The following CPAMD8 variants were observed in gnomAD, a reference collection of about 807,000 sequenced individuals.
The protein encoded by CPAMD8 is C3 and PZP-like alpha-2-macroglobulin domain-containing protein 8.
A neutral mutation model predicts 224.7 loss-of-function variants in CPAMD8; 146 were observed. The observed-to-expected ratio is 0.65, with a 90% CI of 0.57 to 0.75. The LOEUF is 0.75. Ranked by LOEUF, CPAMD8 falls within the 30% of genes least tolerant of loss-of-function variation. The pLI is 0.00. For missense variants in CPAMD8, 2,301 were observed against 2,537.5 expected (o/e 0.91, Z 2.00); for synonymous variants, 966 against 1,044.6 (o/e 0.92, Z 1.45).
Position 16,898,871 on chromosome 19 carries a change from C to T in CPAMD8, c.4848+604G>A, listed in dbSNP as rs2052140017. ...TCAGCCGAGGGCACAGAGCTGTCAG[C>T]ATGGCCAACTCTGCCTGGAATTTAT... is the stretch of plus-strand genomic sequence containing the variant. On this transcript the variant is annotated intron_variant, in intron 37 of 41. Coordinates refer to ENST00000443236, the MANE Select transcript of CPAMD8 (RefSeq NM_015692.5). The surrounding 1 kb of genome is among the most constrained non-coding windows in gnomAD (Gnocchi z 4.2). Among the ~76,000 whole-genome samples, 1 of 152,158 alleles carries T rather than the reference C, an allele frequency of 6.6e-6. No individual in the cohort carries two copies. The highest frequency in any genetic ancestry group is 2.4e-5 in the African/African-American group (1 of 41,430).
intron 3 of CPAMD8, among the ~76,000 whole-genome samples, chr19:17,016,886 G>A (rs1029312418): frequency 5.3e-5 from 8 of 151,668 alleles, no homozygotes; most frequent in East Asian, 1.9e-4. Flanking sequence ...GAGTTCTAGG[G>A]TCTTTTTTTT....
intron 28 of CPAMD8, 44 bp downstream of exon 28, chr19:16,914,613 G>C (rs754866956): frequency 1.9e-5 from 30 of 1,613,316 alleles, no homozygotes; most frequent in African/African-American, 2.7e-5. Flanking sequence ...GGGGCTCTGG[G>C]AGGAGGTGAG....
Position 17,020,346 on chromosome 19 carries a change from C to T in CPAMD8, c.252G>A (p.Gly84=), listed in dbSNP as rs1304737285. 4.4e-6 allele frequency: 7 copies of T among 1,585,426 alleles called. No homozygotes were observed. The highest frequency in any genetic ancestry group is 4.3e-6 in the Non-Finnish European group (5 of 1,154,742). The change falls in exon 3 of 42, where the codon GGG becomes GGA. Residue 84 remains glycine, a synonymous_variant. Transcript: ENST00000443236. ...AACGGCTTACCTTGAGTTTGATTGT[C>T]CCTTTATCTAAAAATGAAAATAAAA... ...VQSQGAILDK[G]TIKLKVPTGL... is the part of the protein sequence containing the mutation.
At chr19:16,970,253 A>G (rs1479526711) in intron 18 of CPAMD8, among the ~76,000 whole-genome samples, 25 of 150,328 alleles carry the variant, frequency 1.7e-4, no homozygotes, top group South Asian at 6.3e-4. Flanking sequence ...AAAAAAAAAA[A>G]AAAGAAAGAA....
Position 16,896,582 on chromosome 19 carries a change from C to T in CPAMD8, c.5149G>A (p.Gly1717Ser). Residue 1717 changes from glycine (G) to serine (S), a missense_variant, in exon 40 of 42, where the codon GGC (glycine) becomes AGC (serine). By Grantham distance (56) the Gly-to-Ser change is moderately conservative. Transcript: ENST00000443236. ...CCGCACACCGGGTTCCCCTGGGCGCCGCAGTCGTGGTCGCAGCCGCATCGC... is the reference window on the plus strand; with the variant it reads ...CCGCACACCGGGTTCCCCTGGGCGCTGCAGTCGTGGTCGCAGCCGCATCGC... ...IARCGCDHDC[G>S]AQGNPVCGSD... 6.6e-7 allele frequency: 1 copy of T among 1,512,706 alleles called. No individual in the cohort carries two copies. Among genetic ancestry groups the T allele is most frequent in the Admixed American group, 2.0e-5 (1 of 49,296 alleles). 93.7% of individuals were successfully genotyped at this position (1,512,706 alleles called of 1,614,324 possible).
intron 23 of CPAMD8, among the ~76,000 whole-genome samples, chr19:16,934,085 T>G (rs1304453842): frequency 2.0e-5 from 3 of 152,158 alleles, no homozygotes; most frequent in Non-Finnish European, 4.4e-5. Flanking sequence ...AAAGAATACA[T>G]ACGACATGAT....
chr19:16,900,246 C>T (rs2052198687), intron 36 of CPAMD8, among the ~76,000 whole-genome samples: 1 of 152,080 alleles, frequency 6.6e-6, no homozygotes, highest in South Asian at 2.1e-4. Context: ...CCCCATGGCT[C>T]CCCACCCAGG....
At chr19:17,012,310 C>T (rs142595074) in intron 3 of CPAMD8, among the ~76,000 whole-genome samples, 119 of 151,022 alleles carry the variant, frequency 7.9e-4, no homozygotes, top group African/African-American at 2.8e-3. Flanking sequence ...TGAGCCATTG[C>T]ACCCGGCCAT....
chr19:16,937,181 C>A (rs1048455675), intron 23 of CPAMD8, among the ~76,000 whole-genome samples: 8 of 151,740 alleles, frequency 5.3e-5, no homozygotes, highest in Non-Finnish European at 1.2e-4. Context: ...GTCAACCAGG[C>A]TGGAGTGTAG....
At chr19:17,022,897 G>T (rs547922593) in intron 1 of CPAMD8, among the ~76,000 whole-genome samples, 1 of 151,990 alleles carries the variant, frequency 6.6e-6, no homozygotes, top group African/African-American at 2.4e-5. Flanking sequence ...TCCTCACGGT[G>T]CACCCCGTCC....
chr19:16,973,453 C>T (rs2055135983), intron 17 of CPAMD8, among the ~76,000 whole-genome samples: 1 of 152,004 alleles, frequency 6.6e-6, no homozygotes, highest in Non-Finnish European at 1.5e-5. Flanking sequence ...AGTTCCAGAG[C>T]TTCTCCTGCC....
At chr19:16,924,273 G>C (rs561860147) in intron 26 of CPAMD8, among the ~76,000 whole-genome samples, 39 of 151,664 alleles carry the variant, frequency 2.6e-4, no homozygotes, top group African/African-American at 8.2e-4. Context: ...GGAAGATGGC[G>C]GGGGTTGATT....
chr19:16,924,874 T>C lies in CPAMD8; in HGVS notation c.3547+322A>G, dbSNP rs558135830. On this transcript the variant is annotated intron_variant, in intron 26 of 41. Coordinates refer to ENST00000443236, the MANE Select transcript of CPAMD8 (RefSeq NM_015692.5). ...TGTTGGGATTACAGGCATCAGCCAC[T>C]GTGCCTGGCCTTCTCTTTTATTTTC... 5.3e-4 allele frequency among the ~76,000 whole-genome samples: 81 copies of C among 152,330 alleles called. 1 individual carries two copies. Among genetic ancestry groups the C allele is most frequent in the African/African-American group, 1.8e-3 (75 of 41,576 alleles).
At chr19:16,991,426 CT>C (rs1038738646) in intron 12 of CPAMD8, among the ~76,000 whole-genome samples, 2 of 152,092 alleles carry the variant, frequency 1.3e-5, no homozygotes, top group Non-Finnish European at 2.9e-5. Context: ...TGCCTACCAC[CT>C]GTGAAGTGTG....
intron 11 of CPAMD8, among the ~76,000 whole-genome samples, chr19:16,995,510 C>A (rs1432622916): frequency 6.6e-6 from 1 of 152,212 alleles, no homozygotes; most frequent in Non-Finnish European, 1.5e-5. Flanking sequence ...AAGCAATTAT[C>A]GTGCCTCAGC....
intron 10 of CPAMD8, among the ~76,000 whole-genome samples, chr19:16,999,903 C>T (rs2056257215): frequency 6.6e-6 from 1 of 152,100 alleles, no homozygotes. Context: ...GTCTCGAATT[C>T]ATGGCCTCAA....
In CPAMD8 at chr19:16,947,210, CGA is replaced by C; in HGVS notation, c.2524_2525del (p.Ser842GlyfsTer28). Reference sequence around the variant, plus strand: ...CAACAAACTGGATGCCCTTGGGAACCGAGAGCTTCATGTACACCTGCAGAGGG... The same window carrying C: ...CAACAAACTGGATGCCCTTGGGAACCGAGCTTCATGTACACCTGCAGAGGG... ...GTCAEVYMKL[S>X]VPKGIQFVGH... On this transcript the variant is annotated frameshift_variant, in exon 21 of 42. Transcript: ENST00000443236. LOFTEE classifies it high-confidence loss of function. The C allele has an allele frequency of 6.2e-7, 1 of 1,612,872 alleles. No individual in the cohort carries two copies. Among genetic ancestry groups the C allele is most frequent in the Non-Finnish European group, 8.5e-7 (1 of 1,179,388 alleles).
intron 35 of CPAMD8, among the ~76,000 whole-genome samples, chr19:16,902,332 T>C (rs111869277): frequency 2.6e-5 from 4 of 152,002 alleles, no homozygotes; most frequent in African/African-American, 9.7e-5. Context: ...CTGGCCAACA[T>C]GGTGAAACCC....
chr19:16,987,649 G>A (rs1417996084), intron 13 of CPAMD8, among the ~76,000 whole-genome samples: 2 of 151,968 alleles, frequency 1.3e-5, no homozygotes, highest in Non-Finnish European at 2.9e-5. Context: ...TATAGATAAA[G>A]TTTAGTTAAG....
Sources: allele counts gnomAD v4.1 joint callset (sites outside exome capture counted in the v4.1 genomes callset), GRCh38; gene constraint gnomAD v4.1.1; non-coding constraint Gnocchi (gnomAD v3.1); transcripts MANE v1.5; gene names NCBI Gene and HGNC (gene_info 2026-07-23, HGNC 2026-07-21).